Variants in KHDRBS2 observed in about 807,000 individuals in gnomAD.
KHDRBS2 encodes KH domain-containing, RNA-binding, signal transduction-associated protein 2.
In KHDRBS2, 26 loss-of-function variants were observed where a neutral mutation model predicts 44.3. That is an observed-to-expected ratio of 0.59 (90% CI 0.43 to 0.81). KHDRBS2 has a LOEUF of 0.81. Ranked by LOEUF, KHDRBS2 falls within the 40% of genes least tolerant of loss-of-function variation. The pLI, the probability that KHDRBS2 is intolerant of heterozygous loss-of-function variation, is 0.00. For synonymous variants in KHDRBS2, 194 were observed against 151.1 expected (o/e 1.28, Z -2.08); for missense variants, 476 against 433.1 (o/e 1.10, Z -0.88).
chr6:62,082,979 T>C (rs1235432804), intron 2 of KHDRBS2, among the ~76,000 whole-genome samples: 30 of 152,254 alleles, frequency 2.0e-4, no homozygotes, highest in Non-Finnish European at 2.9e-5. Flanking sequence ...CAAAATGATA[T>C]GGATAGGAGG....
intron 6 of KHDRBS2, among the ~76,000 whole-genome samples, chr6:61,765,066 A>T (rs1349850989): frequency 6.6e-6 from 1 of 152,212 alleles, no homozygotes; most frequent in Non-Finnish European, 1.5e-5. Context: ...GTCACTTCTC[A>T]GTTGTCAACA....
intron 2 of KHDRBS2, among the ~76,000 whole-genome samples, chr6:62,121,466 G>A (rs1199268794): frequency 6.6e-6 from 1 of 152,180 alleles, no homozygotes; most frequent in African/African-American, 2.4e-5. Flanking sequence ...GTGACTCCAA[G>A]TGAAGCTACT....
chr6:62,106,433 T>G (rs1182922407), intron 2 of KHDRBS2, among the ~76,000 whole-genome samples: 1 of 152,130 alleles, frequency 6.6e-6, no homozygotes, highest in Admixed American at 6.6e-5. Flanking sequence ...TGTAGGTCAC[T>G]CAGGACTTCT....
the KHDRBS2 span, among the ~76,000 whole-genome samples, chr6:61,634,355 T>C: frequency 6.6e-6 from 1 of 151,928 alleles, no homozygotes; most frequent in Non-Finnish European, 1.5e-5. Context: ...TCAATAATGG[T>C]AGCCATTTGG....
At chr6:62,095,852 G>A (rs1800485369) in intron 2 of KHDRBS2, among the ~76,000 whole-genome samples, 1 of 151,802 alleles carries the variant, frequency 6.6e-6, no homozygotes, top group Non-Finnish European at 1.5e-5. Flanking sequence ...TTAGCTGTGG[G>A]TCTATTTTAT....
chr6:62,004,506 A>G (rs1318188017), intron 3 of KHDRBS2, among the ~76,000 whole-genome samples: 1 of 152,166 alleles, frequency 6.6e-6, no homozygotes, highest in Non-Finnish European at 1.5e-5. Context: ...TTTAAAATTG[A>G]GGCAATAATT....
intron 2 of KHDRBS2, among the ~76,000 whole-genome samples, chr6:62,071,387 T>C (rs1266627253): frequency 1.3e-5 from 2 of 152,238 alleles, no homozygotes; most frequent in South Asian, 2.1e-4. Flanking sequence ...GCCATTGCTT[T>C]TGGTGTCTTA....
At chr6:62,167,890 A>AT (rs1400439717) in intron 2 of KHDRBS2, among the ~76,000 whole-genome samples, 1 of 152,156 alleles carries the variant, frequency 6.6e-6, no homozygotes, top group Admixed American at 6.6e-5. Flanking sequence ...CTATTCTTAA[A>AT]TGATCTGATA....
In KHDRBS2 at chr6:62,121,664, C is replaced by T. The variant is rs78235229; in HGVS notation, c.219+55521G>A. 1.7e-3 allele frequency among the ~76,000 whole-genome samples: 253 copies of T among 152,316 alleles called. 1 individual carries two copies. The highest frequency in any genetic ancestry group is 5.9e-3 in the African/African-American group (244 of 41,570). ...CTGCCTCAGGGGTATATCATCTCCC[C>T]GGCTTTGTGCCAGAATCTTGTTTGC... On this transcript the variant is annotated intron_variant, in intron 2 of 8. Transcript: ENST00000281156.
At chr6:61,847,843 A>G (rs981134276) in intron 6 of KHDRBS2, among the ~76,000 whole-genome samples, 3 of 152,130 alleles carry the variant, frequency 2.0e-5, no homozygotes, top group African/African-American at 7.2e-5. Flanking sequence ...ACTTCAGAGC[A>G]ATGAATGTAA....
At chr6:61,972,925 C>T (rs1453487173) in intron 4 of KHDRBS2, among the ~76,000 whole-genome samples, 3 of 152,102 alleles carry the variant, frequency 2.0e-5, no homozygotes, top group Non-Finnish European at 4.4e-5. Context: ...GCTGGTGGGT[C>T]ATCTGAGGTC....
the KHDRBS2 span, among the ~76,000 whole-genome samples, chr6:61,651,678 AC>A: frequency 6.6e-6 from 1 of 152,168 alleles, no homozygotes; most frequent in African/African-American, 2.4e-5. Context: ...AGGACTTGAA[AC>A]CAAGCCTTCT....
At chr6:62,104,367 G>A (rs1229927545) in intron 2 of KHDRBS2, among the ~76,000 whole-genome samples, 1 of 151,882 alleles carries the variant, frequency 6.6e-6, no homozygotes, top group South Asian at 2.1e-4. Context: ...ATGTATACAT[G>A]TGCCATGCTG....
intron 7 of KHDRBS2, among the ~76,000 whole-genome samples, chr6:61,698,562 G>A (rs1454718711): frequency 2.0e-5 from 3 of 152,232 alleles, no homozygotes; most frequent in Non-Finnish European, 2.9e-5. Context: ...AGCAGTCAAA[G>A]TCATTCTTAT....
At chr6:61,641,792 T>G in the KHDRBS2 span, among the ~76,000 whole-genome samples, 1 of 152,186 alleles carries the variant, frequency 6.6e-6, no homozygotes, top group South Asian at 2.1e-4. Context: ...GAAAGAATAT[T>G]AAAAGTTCTA....
chr6:61,999,606 A>C (rs1777843926), intron 3 of KHDRBS2, among the ~76,000 whole-genome samples: 1 of 152,144 alleles, frequency 6.6e-6, no homozygotes, highest in African/African-American at 2.4e-5. Context: ...CAGTGCTTAA[A>C]AGTACAAATA....
chr6:62,233,168 C>T (rs562990304), intron 1 of KHDRBS2, among the ~76,000 whole-genome samples: 11 of 152,178 alleles, frequency 7.2e-5, no homozygotes, highest in African/African-American at 2.6e-4. Context: ...GTGAAGGAGG[C>T]TCAGATGCCA....
chr6:62,048,056 A>G (rs1177717856), intron 2 of KHDRBS2, 62 bp from the exon 3 acceptor site: 9 of 967,134 alleles, frequency 9.3e-6, no homozygotes, highest in African/African-American at 6.4e-5. Flanking sequence ...ATTTGCACCA[A>G]GAGTAATTGA....
intron 8 of KHDRBS2, among the ~76,000 whole-genome samples, chr6:61,688,839 A>C (rs1767081300): frequency 6.6e-6 from 1 of 151,878 alleles, no homozygotes; most frequent in African/African-American, 2.4e-5. Context: ...ACTGGGAGGT[A>C]AGCTCTAAAT....
Sources: gnomAD v4.1 joint callset for allele counts (sites outside exome capture counted in the v4.1 genomes callset) on GRCh38, gnomAD v4.1.1 for gene constraint, MANE v1.5 for transcripts, NCBI Gene and HGNC (gene_info 2026-07-23, HGNC 2026-07-21) for gene names.